The following PXDN variants were observed in gnomAD, a reference collection of about 807,000 sequenced individuals.
PXDN encodes the protein peroxidasin.
A neutral mutation model predicts 140.3 loss-of-function variants in PXDN; 77 were observed. The observed-to-expected ratio is 0.55, with a 90% CI of 0.46 to 0.66. The LOEUF (loss-of-function observed/expected upper bound fraction) is 0.66. Ranked by LOEUF, PXDN falls within the 30% of genes least tolerant of loss-of-function variation. PXDN has a pLI of 0.00. For missense variants in PXDN, 1,838 were observed against 2,039.5 expected, an observed-to-expected ratio of 0.90 and a Z score of 1.90; for synonymous variants, 911 against 857.4, an observed-to-expected ratio of 1.06 and a Z score of -1.09.
At chr2:1,702,688 G>A (rs1684464345) in intron 1 of PXDN, among the ~76,000 whole-genome samples, 1 of 151,942 alleles carries the variant, frequency 6.6e-6, no homozygotes, top group Non-Finnish European at 1.5e-5. Flanking sequence ...GAGTGCACTG[G>A]CGTGATCTCG....
chr2:1,711,500 CCA>C (rs1249793062), intron 1 of PXDN, among the ~76,000 whole-genome samples: 49 of 117,290 alleles, frequency 4.2e-4, no homozygotes, highest in African/African-American at 1.7e-3. Context: ...CCACCAGCAC[CCA>C]CTCTCCACCA....
chr2:1,734,180 T>A (rs1036473329), intron 1 of PXDN, among the ~76,000 whole-genome samples: 2 of 152,080 alleles, frequency 1.3e-5, no homozygotes, highest in Non-Finnish European at 2.9e-5. Context: ...AAGTTAAAAA[T>A]TGCAAAAAAG....
chr2:1,696,725 G>A (rs1011750454), intron 1 of PXDN, among the ~76,000 whole-genome samples: 2 of 152,088 alleles, frequency 1.3e-5, no homozygotes, highest in South Asian at 2.1e-4. Flanking sequence ...TCACCAAACC[G>A]GACCGTGTGT....
intron 9 of PXDN, among the ~76,000 whole-genome samples, chr2:1,672,521 C>A (rs1014165741): frequency 6.6e-6 from 1 of 152,214 alleles, no homozygotes; most frequent in East Asian, 1.9e-4. Flanking sequence ...TCTGCACAGG[C>A]CCACAGCATT....
At chr2:1,734,813 G>A (rs1426712136) in intron 1 of PXDN, among the ~76,000 whole-genome samples, 1 of 152,198 alleles carries the variant, frequency 6.6e-6, no homozygotes, top group Non-Finnish European at 1.5e-5. Flanking sequence ...GTTGCAGTGA[G>A]GCAAGATTGT....
In PXDN at chr2:1,638,869, T is replaced by C; in HGVS notation, c.4183A>G (p.Thr1395Ala). The C allele has an allele frequency of 5.6e-6, 9 of 1,613,984 alleles. No homozygotes were observed. The highest frequency in any genetic ancestry group is 7.6e-6 in the Non-Finnish European group (9 of 1,179,862). Reference protein sequence around the residue: ...FREFVLEMQKTITDLRTQIKK... With the variant: ...FREFVLEMQKAITDLRTQIKK... ...ACCTGTGTTCTGAGGTCTGTGATGG[T>C]CTTCTGCATTTCCAGAACAAACTCT... The change falls in exon 21 of 23, where the codon ACC becomes GCC. Residue 1395 changes from threonine to alanine, a missense_variant. Transcript: ENST00000252804.
intron 1 of PXDN, among the ~76,000 whole-genome samples, chr2:1,693,443 G>A (rs1285410697): frequency 2.4e-4 from 36 of 152,194 alleles, no homozygotes; most frequent in Non-Finnish European, 1.5e-5. Flanking sequence ...TAAGTCTTAG[G>A]ATAATAAACA....
At chr2:1,727,753 T>C (rs193255773) in intron 1 of PXDN, among the ~76,000 whole-genome samples, 210 of 152,352 alleles carry the variant, frequency 1.4e-3, no homozygotes, top group African/African-American at 4.7e-3. Context: ...CCCCAGCACC[T>C]GCCAGCAGGG....
At chr2:1,719,340 G>A (rs1399071146) in intron 1 of PXDN, among the ~76,000 whole-genome samples, 2 of 152,210 alleles carry the variant, frequency 1.3e-5, no homozygotes. Context: ...GCCAGGCTCT[G>A]TCCCAGGCCC....
intron 7 of PXDN, among the ~76,000 whole-genome samples, chr2:1,679,618 TTG>T (rs1683824527): frequency 7.7e-6 from 1 of 129,752 alleles, no homozygotes; most frequent in South Asian, 2.5e-4. Flanking sequence ...TGTGTGTGGT[TTG>T]TGTCTGCACG....
At chr2:1,662,969 T>C (rs190759702) in intron 12 of PXDN, among the ~76,000 whole-genome samples, 1 of 152,320 alleles carries the variant, frequency 6.6e-6, no homozygotes, top group Non-Finnish European at 1.5e-5. Flanking sequence ...CCACTCATGC[T>C]AACACTGGAG....
In PXDN at chr2:1,647,204, C is replaced by T. The variant is rs141569927; in HGVS notation, c.3608+968G>A. Among the ~76,000 whole-genome samples, 16 of 152,158 alleles carry T rather than the reference C, an allele frequency of 1.1e-4. No homozygotes were observed. In the East Asian group the frequency reaches 3.1e-3, roughly 29 times the overall value. On this transcript the variant is annotated intron_variant, in intron 17 of 22. Coordinates refer to ENST00000252804, the MANE Select transcript of PXDN (RefSeq NM_012293.3). ...CCACCGGGCCTGGCTGCAATTATTT[C>T]TATTTCCTTAAAATACAAAAAGCAA...
At chr2:1,674,946 G>A (rs900545975) in intron 8 of PXDN, among the ~76,000 whole-genome samples, 3 of 152,194 alleles carry the variant, frequency 2.0e-5, no homozygotes, top group Non-Finnish European at 2.9e-5. Context: ...CTGTGCAAAA[G>A]CACTTCCCCA....
At chr2:1,652,090 T>C (rs141219273) in intron 16 of PXDN, among the ~76,000 whole-genome samples, 1 of 152,192 alleles carries the variant, frequency 6.6e-6, no homozygotes, top group Non-Finnish European at 1.5e-5. Flanking sequence ...TTTCCCTGAG[T>C]CTAAATCTTT....
chr2:1,715,566 C>T (rs570876324), intron 1 of PXDN, among the ~76,000 whole-genome samples: 17 of 152,168 alleles, frequency 1.1e-4, no homozygotes, highest in Non-Finnish European at 1.9e-4. Context: ...CGGTGCCGGG[C>T]GGGTGTCGTC....
At chr2:1,707,727 T>A (rs980261091) in intron 1 of PXDN, among the ~76,000 whole-genome samples, 10 of 152,142 alleles carry the variant, frequency 6.6e-5, no homozygotes, top group Admixed American at 2.0e-4. Flanking sequence ...ATGAACACAC[T>A]CTGGGTTCTT....
intron 17 of PXDN, among the ~76,000 whole-genome samples, chr2:1,645,569 C>T (rs903729393): frequency 6.6e-6 from 1 of 152,244 alleles, no homozygotes; most frequent in Non-Finnish European, 1.5e-5. Context: ...GCACACAGGG[C>T]TGTGTCCTCA....
chr2:1,659,356 T>C (rs1160205737), intron 14 of PXDN, among the ~76,000 whole-genome samples: 2 of 152,212 alleles, frequency 1.3e-5, no homozygotes, highest in African/African-American at 2.4e-5. Flanking sequence ...GAGCCCAAAT[T>C]TACTAATTTT....
chr2:1,640,882 A>G (rs1257316885), intron 19 of PXDN, among the ~76,000 whole-genome samples: 1 of 152,156 alleles, frequency 6.6e-6, no homozygotes, highest in East Asian at 1.9e-4. Context: ...GGTCCCTGCC[A>G]AAGCGCACAC....
Sources: allele counts gnomAD v4.1 joint callset (sites outside exome capture counted in the v4.1 genomes callset), GRCh38; gene constraint gnomAD v4.1.1; transcripts MANE v1.5; gene names NCBI Gene and HGNC (gene_info 2026-07-23, HGNC 2026-07-21).